ARMH4: variants seen among roughly 807,000 people sequenced by gnomAD.
ARMH4 encodes the protein armadillo-like helical domain-containing protein 4.
Under a neutral mutation model 61.9 loss-of-function variants are expected in ARMH4, and 49 were observed. That is an observed-to-expected ratio of 0.79 (90% CI 0.63 to 1.00). The LOEUF (loss-of-function observed/expected upper bound fraction) is 1.00, where lower values mean the gene tolerates loss of function less well. ARMH4 is among the 50% of genes least tolerant of loss of function. The probability of loss-of-function intolerance (pLI) is 0.00; values close to 1 mark genes in which losing one functional copy is unlikely to be tolerated. For synonymous variants in ARMH4, 368 were observed against 341.5 expected (o/e 1.08, Z -0.85); for missense variants, 934 against 930.0 (o/e 1.00, Z -0.06).
chr14:58,049,022 G>A (rs1272677537), intron 5 of ARMH4, among the ~76,000 whole-genome samples: 2 of 152,042 alleles, frequency 1.3e-5, no homozygotes, highest in Admixed American at 6.6e-5. Context: ...CGGATCATGA[G>A]GTCAGGAGAT....
At chr14:58,141,774 A>ATATG (rs1566602380) in intron 1 of ARMH4, 2 of 177,118 alleles carry the variant, frequency 1.1e-5, no homozygotes, top group African/African-American at 4.8e-5. Flanking sequence ...AGAAAAGAAA[A>ATATG]TATGTATTTT....
intron 5 of ARMH4, among the ~76,000 whole-genome samples, chr14:58,043,746 C>T (rs1265516272): frequency 6.6e-6 from 1 of 152,174 alleles, no homozygotes; most frequent in Admixed American, 6.5e-5. Context: ...TGATAGGCAA[C>T]TTCAGCAAAG....
At chr14:58,009,980 A>C (rs1882341529) in intron 6 of ARMH4, among the ~76,000 whole-genome samples, 1 of 152,142 alleles carries the variant, frequency 6.6e-6, no homozygotes, top group Non-Finnish European at 1.5e-5. Context: ...ACTTTTGAAA[A>C]CACCACCCTT....
chr14:58,097,116 A>T, intron 4 of ARMH4, 135 bp from the exon 5 acceptor site: 2 of 966,978 alleles, frequency 2.1e-6, no homozygotes, highest in Non-Finnish European at 3.2e-6. Flanking sequence ...AGCCAAAGTC[A>T]GACAATGTGA....
chr14:58,058,537 C>G (rs1884422427), intron 5 of ARMH4, among the ~76,000 whole-genome samples: 1 of 152,076 alleles, frequency 6.6e-6, no homozygotes, highest in African/African-American at 2.4e-5. Flanking sequence ...ACTGAGGGTT[C>G]CTCTCCTTTT....
intron 5 of ARMH4, among the ~76,000 whole-genome samples, chr14:58,032,084 C>G (rs1883257046): frequency 6.6e-6 from 1 of 152,140 alleles, no homozygotes; most frequent in South Asian, 2.1e-4. Flanking sequence ...CTTCTCCCGG[C>G]TCACTCCCAC....
intron 4 of ARMH4, among the ~76,000 whole-genome samples, chr14:58,120,462 A>T (rs1886688415): frequency 6.6e-6 from 1 of 151,846 alleles, no homozygotes; most frequent in Non-Finnish European, 1.5e-5. Flanking sequence ...TTCTCTCCTG[A>T]CTCTTACTTA....
chr14:58,022,150 T>G (rs1213054611), intron 5 of ARMH4, among the ~76,000 whole-genome samples: 1 of 152,176 alleles, frequency 6.6e-6, no homozygotes, highest in African/African-American at 2.4e-5. Context: ...TTTTCCAGCT[T>G]CTAGAATCCA....
chr14:58,104,359 CT>C (rs1293547761), intron 4 of ARMH4, among the ~76,000 whole-genome samples: 1 of 152,216 alleles, frequency 6.6e-6, no homozygotes, highest in African/African-American at 2.4e-5. Context: ...CACTAAGCAA[CT>C]TATAAGATTT....
At chr14:58,137,899 A>AAACTTC in intron 2 of ARMH4, 91 bp downstream of exon 2, 1 of 1,311,014 alleles carries the variant, frequency 7.6e-7, no homozygotes, top group Non-Finnish European at 1.0e-6. Flanking sequence ...CTTTTCATTA[A>AAACTTC]AACTTCAACC....
intron 4 of ARMH4, among the ~76,000 whole-genome samples, chr14:58,122,194 T>C (rs1307171128): frequency 2.6e-5 from 4 of 152,236 alleles, no homozygotes; most frequent in African/African-American, 7.2e-5. Flanking sequence ...ACACTCTTCT[T>C]GATCTTTAAC....
At chr14:58,086,410 A>T (rs1485697997) in intron 5 of ARMH4, among the ~76,000 whole-genome samples, 1 of 152,218 alleles carries the variant, frequency 6.6e-6, no homozygotes, top group Non-Finnish European at 1.5e-5. Context: ...CTTTGGAGTA[A>T]GTAGAACCAG....
chr14:58,142,975 G>T (rs996164991), intron 1 of ARMH4, among the ~76,000 whole-genome samples: 3 of 152,066 alleles, frequency 2.0e-5, no homozygotes, highest in Admixed American at 6.6e-5. Flanking sequence ...ACCACCACAT[G>T]AGTGTACCAT....
intron 5 of ARMH4, among the ~76,000 whole-genome samples, chr14:58,052,323 C>T (rs1424974583): frequency 6.6e-6 from 1 of 152,164 alleles, no homozygotes; most frequent in Non-Finnish European, 1.5e-5. Flanking sequence ...AGCTCTGTGC[C>T]AAGTATCTTA....
chr14:58,113,235 C>A (rs932151972), intron 4 of ARMH4, among the ~76,000 whole-genome samples: 2 of 152,144 alleles, frequency 1.3e-5, no homozygotes, highest in East Asian at 3.8e-4. Flanking sequence ...GTGTGCATTT[C>A]TTAGTGTCTA....
rs771577684 is a variant in ARMH4, at chr14:58,138,431, A to G, written c.928T>C (p.Leu310=). The change falls in exon 2 of 8, where the codon TTA becomes CTA. Residue 310 remains leucine, a synonymous_variant. Coordinates refer to ENST00000267485, the MANE Select transcript of ARMH4 (RefSeq NM_001001872.4). Reference sequence around the variant, plus strand: ...TTGGTGTCATCCCACTCATCACTTAAGGCAGAGGCAGCTGGAACAGCTGTG... The same window carrying G: ...TTGGTGTCATCCCACTCATCACTTAGGGCAGAGGCAGCTGGAACAGCTGTG... ...VSTAVPAASA[L]SDEWDDTKLE... 1.2e-6 allele frequency: 2 copies of G among 1,613,892 alleles called. No homozygotes were observed. The highest frequency in any genetic ancestry group is 2.2e-5 in the South Asian group (2 of 91,086).
intron 5 of ARMH4, among the ~76,000 whole-genome samples, chr14:58,085,414 A>G (rs895959148): frequency 3.3e-5 from 5 of 151,566 alleles, no homozygotes; most frequent in South Asian, 2.1e-4. Flanking sequence ...TAATTCCCCA[A>G]CTGAGCCTAC....
intron 4 of ARMH4, among the ~76,000 whole-genome samples, chr14:58,097,630 T>C (rs1885798330): frequency 6.6e-6 from 1 of 152,188 alleles, no homozygotes; most frequent in Admixed American, 6.5e-5. Context: ...CATTAAAAAT[T>C]ACCATTATCT....
chr14:58,027,483 T>C (rs924655059), intron 5 of ARMH4, among the ~76,000 whole-genome samples: 2 of 152,158 alleles, frequency 1.3e-5, no homozygotes, highest in African/African-American at 4.8e-5. Context: ...TACTGAGAGG[T>C]TGGTGTGACT....
Sources: gnomAD v4.1 joint callset for allele counts (sites outside exome capture counted in the v4.1 genomes callset) on GRCh38, gnomAD v4.1.1 for gene constraint, MANE v1.5 for transcripts, NCBI Gene and HGNC (gene_info 2026-07-23, HGNC 2026-07-21) for gene names.